GIGYF2: variants seen among roughly 807,000 people sequenced by gnomAD.
GIGYF2 encodes the protein GRB10 interacting GYF protein 2, also known as GRB10-interacting GYF protein 2.
GIGYF2 carries 25 observed loss-of-function variants against 208.1 expected under a neutral mutation model. The ratio of observed to expected loss-of-function variants is 0.12; its 90% confidence interval spans 0.09 to 0.17. The LOEUF (loss-of-function observed/expected upper bound fraction) is 0.17. Among genes scored for constraint, GIGYF2 ranks in the 10% least tolerant of loss-of-function variants. The pLI is 1.00. For missense variants in GIGYF2, 1,302 were observed against 1,579.4 expected, an observed-to-expected ratio of 0.82 and a Z score of 2.98; for synonymous variants, 534 against 543.8, an observed-to-expected ratio of 0.98 and a Z score of 0.25.
intron 8 of GIGYF2, among the ~76,000 whole-genome samples, chr2:232,769,684 TAATCAG>T (rs1699150521): frequency 1.3e-5 from 2 of 152,156 alleles, no homozygotes; most frequent in Admixed American, 1.3e-4. Flanking sequence ...AAGAGTTTCT[TAATCAG>T]TTTTGTGCCA....
intron 8 of GIGYF2, among the ~76,000 whole-genome samples, chr2:232,764,952 T>G (rs796601034): frequency 4.6e-5 from 7 of 152,324 alleles, no homozygotes; most frequent in African/African-American, 1.7e-4. Flanking sequence ...TTGGTATATC[T>G]TTGAAAAGGC....
Position 232,844,093 on chromosome 2 carries a change from G to T in GIGYF2, c.2937G>T (p.Gln979His). Residue 979 changes from glutamine to histidine, a missense_variant, in exon 24 of 29, where the codon CAG (glutamine) becomes CAT (histidine). This residue lies in a region of GIGYF2 where 701 missense variants were observed against 793.0 expected (regional missense o/e 0.88). Coordinates refer to ENST00000373563, the MANE Select transcript of GIGYF2 (RefSeq NM_001103146.3). ...RELMKALQQQ[Q>H]QQQQQKLSGW... The stretch of plus-strand genomic sequence containing the variant: ...TGATGAAAGCTCTTCAGCAGCAGCA[G>T]CAACAGCAACAGCAGAAACTCTCAG... 6.3e-7 allele frequency: 1 copy of T among 1,592,760 alleles called. No individual in the cohort carries two copies. Among genetic ancestry groups the T allele is most frequent in the Middle Eastern group, 1.7e-4 (1 of 6,010 alleles).
intron 8 of GIGYF2, among the ~76,000 whole-genome samples, chr2:232,777,351 G>C (rs973897025): frequency 1.3e-5 from 2 of 152,172 alleles, no homozygotes; most frequent in Non-Finnish European, 2.9e-5. Context: ...TGTTTAGCTG[G>C]AAAATGTGAT....
chr2:232,729,697 A>G (rs1697363207), intron 2 of GIGYF2: 5 of 779,158 alleles, frequency 6.4e-6, no homozygotes, highest in Non-Finnish European at 1.1e-5. Flanking sequence ...AGACTAAGCC[A>G]TCTGCTTGAA....
intron 2 of GIGYF2, chr2:232,722,546 G>A (rs1486952194): frequency 6.6e-6 from 1 of 152,146 alleles, no homozygotes; most frequent in Non-Finnish European, 1.5e-5. Context: ...ATCTTTATTG[G>A]TCTTTAGAGA....
chr2:232,723,435 T>TTC (rs1004495130), intron 2 of GIGYF2, among the ~76,000 whole-genome samples: 2 of 148,454 alleles, frequency 1.3e-5, no homozygotes, highest in African/African-American at 4.9e-5. Context: ...TTCTTTTCTT[T>TTC]TTTTTTTTTT....
intron 2 of GIGYF2, among the ~76,000 whole-genome samples, chr2:232,709,741 A>G (rs1373912239): frequency 1.3e-5 from 2 of 151,530 alleles, no homozygotes; most frequent in East Asian, 4.0e-4. Context: ...CCCGGGAGGC[A>G]GAGGTTTCAG....
intron 2 of GIGYF2, among the ~76,000 whole-genome samples, chr2:232,714,691 T>G (rs1183137209): frequency 1.3e-5 from 2 of 152,236 alleles, no homozygotes; most frequent in Non-Finnish European, 2.9e-5. Context: ...TGTAGTCATT[T>G]TTCCTCCTCC....
At chr2:232,772,935 C>G (rs1699329815) in intron 8 of GIGYF2, among the ~76,000 whole-genome samples, 1 of 152,018 alleles carries the variant, frequency 6.6e-6, no homozygotes, top group South Asian at 2.1e-4. Context: ...ATATTGGCCA[C>G]CTGGGTATAT....
chr2:232,745,102 T>C (rs943218130), intron 3 of GIGYF2, among the ~76,000 whole-genome samples: 18 of 152,160 alleles, frequency 1.2e-4, no homozygotes, highest in African/African-American at 4.3e-4. Context: ...GGGTAGTTCC[T>C]TTCTTCTTGG....
intron 6 of GIGYF2, among the ~76,000 whole-genome samples, chr2:232,757,097 TCTGCATATTGTACCA>T (rs1698577631): frequency 6.6e-6 from 1 of 152,224 alleles, no homozygotes; most frequent in South Asian, 2.1e-4. Flanking sequence ...GACCATTGTC[TCTGCATATTGTACCA>T]CCAAGATTGG....
chr2:232,700,778 A>G (rs1695806128), intron 1 of GIGYF2: 1 of 151,998 alleles, frequency 6.6e-6, no homozygotes, highest in South Asian at 2.1e-4. Flanking sequence ...TTGTGGTGAT[A>G]AAGTCCTATG....
intron 2 of GIGYF2, among the ~76,000 whole-genome samples, chr2:232,711,948 T>G (rs1696436733): frequency 6.6e-6 from 1 of 152,012 alleles, no homozygotes; most frequent in Non-Finnish European, 1.5e-5. Context: ...TAAAATCCAT[T>G]TGTCTATCTT....
chr2:232,813,344 CCTGACTGGGTGTACGCTATCACACCTGA>C (rs1368050646), intron 18 of GIGYF2, among the ~76,000 whole-genome samples: 1 of 106,778 alleles, frequency 9.4e-6, no homozygotes, highest in African/African-American at 2.7e-5. Flanking sequence ...CGCTATCACA[CCTGACTGGGTGTACGCTATCACACCTGA>C]CTAATTTTTG....
At chr2:232,707,498 T>G (rs982523330) in intron 2 of GIGYF2, among the ~76,000 whole-genome samples, 1 of 152,196 alleles carries the variant, frequency 6.6e-6, no homozygotes, top group African/African-American at 2.4e-5. Context: ...TGATGTGTGG[T>G]GCTGCTCAAA....
intron 19 of GIGYF2, 127 bp from the exon 20 acceptor site, chr2:232,816,744 G>A (rs1700925141): frequency 1.3e-6 from 1 of 741,218 alleles, no homozygotes; most frequent in Non-Finnish European, 2.5e-6. Context: ...TGATCTGTTG[G>A]ATCACCTGGT....
rs992292366 is a variant in GIGYF2 at position 232,754,293 on chromosome 2, T to G, written c.268-1930T>G. Reference sequence around the variant, plus strand: ...GCTAATACATAGATGGCTTCCATATTTTTGCTTTTATGAGCAGTACTGCAG... The same window carrying G: ...GCTAATACATAGATGGCTTCCATATGTTTGCTTTTATGAGCAGTACTGCAG... On this transcript the variant is annotated intron_variant, in intron 5 of 28. Transcript: ENST00000373563. Among the ~76,000 whole-genome samples, 8 of 152,338 alleles carry G rather than the reference T, an allele frequency of 5.3e-5. No homozygotes were observed. The South Asian group carries it at 1.7e-3, about 32-fold the overall frequency.
intron 27 of GIGYF2, among the ~76,000 whole-genome samples, chr2:232,848,413 A>G (rs1313173986): frequency 6.6e-6 from 1 of 152,180 alleles, no homozygotes; most frequent in Non-Finnish European, 1.5e-5. Flanking sequence ...AGACAGGTGG[A>G]TCATGAGGTC....
At chr2:232,778,318 A>G (rs1036241082) in intron 8 of GIGYF2, among the ~76,000 whole-genome samples, 2 of 152,206 alleles carry the variant, frequency 1.3e-5, no homozygotes, top group African/African-American at 4.8e-5. Flanking sequence ...CTTGGTTTCA[A>G]TATATTGAGA....
Sources: gnomAD v4.1 joint callset for allele counts (sites outside exome capture counted in the v4.1 genomes callset) on GRCh38, gnomAD v4.1.1 for gene constraint, gnomAD v4.1.1 regional missense constraint, MANE v1.5 for transcripts, NCBI Gene and HGNC (gene_info 2026-07-23, HGNC 2026-07-21) for gene names.